Variants in OR5H1 observed in about 807,000 individuals in gnomAD.
The protein encoded by OR5H1 is olfactory receptor family 5 subfamily H member 1.
For synonymous variants in OR5H1, 124 were observed against 134.4 expected (o/e 0.92, Z 0.54); for missense variants, 378 against 366.8 (o/e 1.03, Z -0.25).
In OR5H1 at chr3:98,135,454, A is replaced by G. The variant is rs1290208623; in HGVS notation, c.*1815A>G. 6.6e-6 allele frequency: 1 copy of G among 152,154 alleles called. No homozygotes were observed. Among genetic ancestry groups the G allele is most frequent in the Non-Finnish European group, 1.5e-5 (1 of 68,030 alleles). The allele number at this position is 152,154 out of a possible 1,614,324, so 9.4% of individuals were successfully genotyped here. ...TATGGTCAGCCTCTCATTATGGGATATTGACTAAAACTCAGGCATACTTGC... is the reference window on the plus strand; with the variant it reads ...TATGGTCAGCCTCTCATTATGGGATGTTGACTAAAACTCAGGCATACTTGC... On this transcript the variant is annotated 3_prime_UTR_variant, in exon 2 of 2. Transcript: ENST00000641874.
intron 1 of OR5H1, among the ~76,000 whole-genome samples, chr3:98,131,879 AC>A (rs1479765733): frequency 3.3e-5 from 5 of 152,054 alleles, no homozygotes; most frequent in African/African-American, 1.2e-4. Flanking sequence ...TTCACTGACC[AC>A]TTACTGCCTA....
At position 98,138,268 on chromosome 3, in the gene OR5H1, A is replaced by G. The variant is rs577310343; in HGVS notation, c.*4629A>G. On this transcript the variant is annotated 3_prime_UTR_variant, in exon 2 of 2. Coordinates refer to ENST00000641874, the MANE Select transcript of OR5H1 (RefSeq NM_001005338.2). ...ACAGAACAGAACGGGAGGTTTCACA[A>G]TGTCCTACCATACGATGTCTGGAAT... is the stretch of plus-strand genomic sequence containing the variant. 7 of 152,328 alleles carry G rather than the reference A, an allele frequency of 4.6e-5. No homozygotes were observed. Among genetic ancestry groups the G allele is most frequent in the African/African-American group, 1.7e-4 (7 of 41,590 alleles). 9.4% of individuals were successfully genotyped at this position (152,328 alleles called of 1,614,324 possible).
Position 98,133,760 on chromosome 3 carries a change from T to C in OR5H1, c.*121T>C, listed in dbSNP as rs1258782146. On this transcript the variant is annotated 3_prime_UTR_variant, in exon 2 of 2. Transcript: ENST00000641874. ...GTTCTAGCACTTTAGTGAGCTAATG[T>C]TTTAGTACCTAATAAACTAATCGCA... 1 of 736,930 alleles carries C rather than the reference T, an allele frequency of 1.4e-6. No homozygotes were observed. Among genetic ancestry groups the C allele is most frequent in the Non-Finnish European group, 2.2e-6 (1 of 445,648 alleles). 45.6% of individuals were successfully genotyped at this position (736,930 alleles called of 1,614,324 possible).
chr3:98,132,687 G>A lies in OR5H1; in HGVS notation c.-11G>A. The A allele has an allele frequency of 1.9e-6, 3 of 1,612,586 alleles. No individual in the cohort carries two copies. The highest frequency in any genetic ancestry group is 2.2e-5 in the East Asian group (1 of 44,846). ...TGTTGCATTTTATTTTAGAGGGCAT[G>A]CTGTGAGGACATGGAAGAGGAAAAT... is the stretch of plus-strand genomic sequence containing the variant. On this transcript the variant is annotated 5_prime_UTR_variant, in exon 2 of 2. The change abolishes an upstream ATG in the 5' untranslated region. Coordinates refer to ENST00000641874, the MANE Select transcript of OR5H1 (RefSeq NM_001005338.2).
chr3:98,138,339 C>T lies in OR5H1; in HGVS notation c.*4700C>T, dbSNP rs576276095. 2.6e-5 allele frequency: 4 copies of T among 152,300 alleles called. No individual in the cohort carries two copies. The South Asian group carries it at 8.3e-4, about 32-fold the overall frequency. The allele number at this position is 152,300 out of a possible 1,614,324, so 9.4% of individuals were successfully genotyped here. A position where few individuals can be genotyped will look rare whatever the true frequency, so the allele number is the denominator to read the frequency against. On this transcript the variant is annotated 3_prime_UTR_variant, in exon 2 of 2. Transcript: ENST00000641874. Reference sequence around the variant, plus strand: ...TAGGTGAGGGGTCGAATTTTAACAACCAGGCTTAGGTCAGGCAGGCCCAGG... The same window carrying T: ...TAGGTGAGGGGTCGAATTTTAACAATCAGGCTTAGGTCAGGCAGGCCCAGG...
chr3:98,132,737 C>T lies in OR5H1; in HGVS notation c.40C>T (p.Leu14Phe), dbSNP rs1423369740. Residue 14 changes from leucine to phenylalanine, a missense_variant, in exon 2 of 2, where the codon CTC becomes TTC. Coordinates refer to ENST00000641874, the MANE Select transcript of OR5H1 (RefSeq NM_001005338.2). ...ENATLLTEFV[L>F]TGFLYQPQWK... is the part of the protein sequence containing the mutation. ...TGCAACATTGCTGACAGAGTTTGTT[C>T]TCACAGGATTTTTATATCAACCACA... The T allele has an allele frequency of 3.1e-6, 5 of 1,613,242 alleles. No homozygotes were observed. The highest frequency in any genetic ancestry group is 1.1e-5 in the South Asian group (1 of 91,016).
At chr3:98,131,592 A>C (rs1481819679) in intron 1 of OR5H1, among the ~76,000 whole-genome samples, 1 of 151,870 alleles carries the variant, frequency 6.6e-6, no homozygotes, top group South Asian at 2.1e-4. Flanking sequence ...CCACCTTGTT[A>C]CCTCCTTAAT....
rs1265064226 is a variant in OR5H1, at chr3:98,135,739, A to T, written c.*2100A>T. ...CTGGGGTATGCTCCATAGCCAAAGT[A>T]CGTATGAACAAAACCAACTGAAATA... On this transcript the variant is annotated 3_prime_UTR_variant, in exon 2 of 2. Transcript: ENST00000641874. 1 of 152,238 alleles carries T rather than the reference A, an allele frequency of 6.6e-6. No homozygotes were observed. Among genetic ancestry groups the T allele is most frequent in the Non-Finnish European group, 1.5e-5 (1 of 68,034 alleles). 9.4% of individuals were successfully genotyped at this position (152,238 alleles called of 1,614,324 possible).
rs1256324943 is a variant in OR5H1, at chr3:98,133,243, C to T, written c.546C>T (p.Ile182=). ...NIVHHIYCDT[I]PLSKISCTDS... The stretch of plus-strand genomic sequence containing the variant: ...TACATCACATTTACTGTGACACTAT[C>T]CCATTGTCTAAGATTTCTTGTACTG... The change falls in exon 2 of 2, where the codon ATC becomes ATT. Residue 182 remains isoleucine, a synonymous_variant. Transcript: ENST00000641874. 6.2e-7 allele frequency: 1 copy of T among 1,611,730 alleles called. No individual in the cohort carries two copies. Among genetic ancestry groups the T allele is most frequent in the East Asian group, 2.2e-5 (1 of 44,784 alleles).
intron 1 of OR5H1, 90 bp from the exon 2 acceptor site, chr3:98,132,590 A>G: frequency 2.1e-6 from 3 of 1,425,806 alleles, no homozygotes; most frequent in Non-Finnish European, 2.9e-6. Context: ...GGTTCTGATC[A>G]TTTTAGGTTT....
At position 98,135,046 on chromosome 3, in the gene OR5H1, A is replaced by T. The variant is rs1708303213; in HGVS notation, c.*1407A>T. On this transcript the variant is annotated 3_prime_UTR_variant, in exon 2 of 2. Transcript: ENST00000641874. ...TACATAGTGATACAAGATATATATT[A>T]GTACTTATATAGTTAAAATACAAAT... The T allele has an allele frequency of 6.6e-6, 1 of 152,152 alleles. No individual in the cohort carries two copies. The highest frequency in any genetic ancestry group is 2.4e-5 in the African/African-American group (1 of 41,442). 9.4% of individuals were successfully genotyped at this position (152,152 alleles called of 1,614,324 possible).
rs1708305440 is a variant in OR5H1, at chr3:98,135,265, A to G, written c.*1626A>G. 6.6e-6 allele frequency: 1 copy of G among 152,172 alleles called. No homozygotes were observed. Among genetic ancestry groups the G allele is most frequent in the Non-Finnish European group, 1.5e-5 (1 of 68,012 alleles). The allele number at this position is 152,172 out of a possible 1,614,324, so 9.4% of individuals were successfully genotyped here. ...GCAGTAGTGTTATTTTGATCATTCC[A>G]GTGGAAAATTCCTAGTTAGAAATTA... On this transcript the variant is annotated 3_prime_UTR_variant, in exon 2 of 2. Coordinates refer to ENST00000641874, the MANE Select transcript of OR5H1 (RefSeq NM_001005338.2).
Position 98,133,061 on chromosome 3 carries a change from C to T in OR5H1, c.364C>T (p.Arg122Cys), listed in dbSNP as rs753476533. 23 of 1,613,580 alleles carry T rather than the reference C, an allele frequency of 1.4e-5. No homozygotes were observed. Among genetic ancestry groups the T allele is most frequent in the East Asian group, 1.3e-4 (6 of 44,858 alleles). ...CFLLATMAYDRYVAICKPLLY... is the reference protein window; with the variant it reads ...CFLLATMAYDCYVAICKPLLY... ...TCTCTTGGCAACGATGGCATATGAT[C>T]GCTATGTAGCCATATGCAAACCTTT... is the stretch of plus-strand genomic sequence containing the variant. The change falls in exon 2 of 2, where the codon CGC (arginine) becomes TGC (cysteine). Residue 122 changes from arginine (R) to cysteine (C), a missense_variant. By Grantham distance (180) the Arg-to-Cys change is radical. Transcript: ENST00000641874.
At chr3:98,131,794 C>T (rs1708260026) in intron 1 of OR5H1, among the ~76,000 whole-genome samples, 2 of 151,940 alleles carry the variant, frequency 1.3e-5, no homozygotes, top group Non-Finnish European at 2.9e-5. Flanking sequence ...ATGCTCACTC[C>T]AAAAACTTGT....
Position 98,136,443 on chromosome 3 carries a change from T to A in OR5H1, c.*2804T>A, listed in dbSNP as rs1256792270. 2 of 152,156 alleles carry A rather than the reference T, an allele frequency of 1.3e-5. No homozygotes were observed. Among genetic ancestry groups the A allele is most frequent in the Non-Finnish European group, 2.9e-5 (2 of 68,024 alleles). 9.4% of individuals were successfully genotyped at this position (152,156 alleles called of 1,614,324 possible). On this transcript the variant is annotated 3_prime_UTR_variant, in exon 2 of 2. Coordinates refer to ENST00000641874, the MANE Select transcript of OR5H1 (RefSeq NM_001005338.2). ...GTAAACTCCCCTGTACTCAAAAAGG[T>A]CCTAAAAGTATATTTCAGTTCCTGG... is the stretch of plus-strand genomic sequence containing the variant.
chr3:98,133,195 A>G lies in OR5H1; in HGVS notation c.498A>G (p.Leu166=). ...ALIHEGFLFR[L]TFCNSNIVHH... Reference sequence around the variant, plus strand: ...TCCATGAAGGATTTTTATTCAGACTAACCTTCTGTAACTCCAACATAGTAC... The same window carrying G: ...TCCATGAAGGATTTTTATTCAGACTGACCTTCTGTAACTCCAACATAGTAC... The change falls in exon 2 of 2, where the codon CTA becomes CTG. Residue 166 remains leucine (L), a synonymous_variant. Transcript: ENST00000641874. 1.2e-6 allele frequency: 2 copies of G among 1,612,832 alleles called. No individual in the cohort carries two copies. Among genetic ancestry groups the G allele is most frequent in the Non-Finnish European group, 1.7e-6 (2 of 1,179,378 alleles).
In OR5H1 at chr3:98,138,224, C is replaced by T. The variant is rs1708342010; in HGVS notation, c.*4585C>T. The T allele has an allele frequency of 6.6e-6, 1 of 152,162 alleles. No homozygotes were observed. The highest frequency in any genetic ancestry group is 2.1e-4 in the South Asian group (1 of 4,826). 9.4% of individuals were successfully genotyped at this position (152,162 alleles called of 1,614,324 possible). ...GGGGGTACGTGACAGGGGCTGCGAG[C>T]ACCGGTGGTCAGAGTGAAACAGAAC... is the stretch of plus-strand genomic sequence containing the variant. On this transcript the variant is annotated 3_prime_UTR_variant, in exon 2 of 2. Coordinates refer to ENST00000641874, the MANE Select transcript of OR5H1 (RefSeq NM_001005338.2).
In OR5H1 at chr3:98,132,934, A is replaced by G; in HGVS notation, c.237A>G (p.Pro79=). The G allele has an allele frequency of 1.2e-6, 2 of 1,613,566 alleles. No individual in the cohort carries two copies. The highest frequency in any genetic ancestry group is 1.7e-6 in the Non-Finnish European group (2 of 1,179,630). Residue 79 remains proline (P), a synonymous_variant, in exon 2 of 2, where the codon CCA becomes CCG. Coordinates refer to ENST00000641874, the MANE Select transcript of OR5H1 (RefSeq NM_001005338.2). ...CTTGGATATCATCCACAGTGACCCC[A>G]AAGATGCTGAATAACTTCTTAGCTA... ...VDAWISSTVT[P]KMLNNFLAKS... is the part of the protein sequence containing the mutation.
In OR5H1 at chr3:98,134,493, G is replaced by T. The variant is rs557975987; in HGVS notation, c.*854G>T. 6.6e-6 allele frequency: 1 copy of T among 152,196 alleles called. No individual in the cohort carries two copies. Among genetic ancestry groups the T allele is most frequent in the South Asian group, 2.1e-4 (1 of 4,820 alleles). The allele number at this position is 152,196 out of a possible 1,614,324, so 9.4% of individuals were successfully genotyped here. A position where few individuals can be genotyped will look rare whatever the true frequency, so the allele number is the denominator to read the frequency against. ...TAAAAATCAATAATATTGCAAGGTT[G>T]TTGGAATGTGTTGTTATCAACAAGA... On this transcript the variant is annotated 3_prime_UTR_variant, in exon 2 of 2. Transcript: ENST00000641874.
Sources: allele counts gnomAD v4.1 joint callset (sites outside exome capture counted in the v4.1 genomes callset), GRCh38; gene constraint gnomAD v4.1.1; transcripts MANE v1.5; gene names NCBI Gene and HGNC (gene_info 2026-07-23, HGNC 2026-07-21).